Variants in CADM2 observed in about 807,000 individuals in gnomAD.
CADM2 encodes immunoglobulin superfamily member 4D.
Under a neutral mutation model 49.8 loss-of-function variants are expected in CADM2, and 12 were observed. The ratio of observed to expected loss-of-function variants is 0.24; its 90% CI spans 0.15 to 0.39. CADM2 has a LOEUF of 0.39. Among genes scored for constraint, CADM2 ranks in the 10% least tolerant of loss-of-function variants. The pLI, the probability that CADM2 is intolerant of heterozygous loss-of-function variation, is 1.00. For synonymous variants in CADM2, 214 were observed against 175.4 expected (o/e 1.22, Z -1.74); for missense variants, 378 against 492.3 (o/e 0.77, Z 2.20).
chr3:85,937,472 C>T (rs957559759), intron 7 of CADM2, among the ~76,000 whole-genome samples: 5 of 151,862 alleles, frequency 3.3e-5, no homozygotes, highest in Non-Finnish European at 5.9e-5. Context: ...CTAAATTTTC[C>T]TATTTATCCA....
intron 8 of CADM2, among the ~76,000 whole-genome samples, chr3:86,040,333 G>GA (rs1031947751): frequency 7.2e-5 from 11 of 151,780 alleles, no homozygotes; most frequent in African/African-American, 9.7e-5. Flanking sequence ...TAAAAACCTT[G>GA]AAAAAAAATT....
intron 1 of CADM2, among the ~76,000 whole-genome samples, chr3:84,984,968 T>G (rs1382416339): frequency 6.6e-6 from 1 of 152,180 alleles, no homozygotes. Context: ...TAGTGAACTT[T>G]AATAGGTAAT....
intron 2 of CADM2, among the ~76,000 whole-genome samples, chr3:85,764,662 TC>T (rs1488947279): frequency 6.6e-6 from 1 of 152,060 alleles, no homozygotes; most frequent in African/African-American, 2.4e-5. Context: ...AAGAGATGCA[TC>T]AGCATATCAA....
At chr3:85,421,697 T>C (rs2107499008) in intron 1 of CADM2, among the ~76,000 whole-genome samples, 1 of 152,346 alleles carries the variant, frequency 6.6e-6, no homozygotes, top group Admixed American at 6.5e-5. Context: ...GTGTTTTGCT[T>C]CATTTACCAT....
chr3:86,027,458 A>G (rs1304716666), intron 8 of CADM2, among the ~76,000 whole-genome samples: 1 of 152,186 alleles, frequency 6.6e-6, no homozygotes. Flanking sequence ...AAATCATTTT[A>G]GGACACACCT....
At chr3:85,700,702 A>G (rs2066727329) in intron 1 of CADM2, among the ~76,000 whole-genome samples, 2 of 152,108 alleles carry the variant, frequency 1.3e-5, no homozygotes, top group African/African-American at 4.8e-5. Context: ...ATGTATTGAA[A>G]CTGACATTTA....
chr3:85,493,194 C>T (rs1170733461), intron 1 of CADM2, among the ~76,000 whole-genome samples: 3 of 151,900 alleles, frequency 2.0e-5, no homozygotes, highest in African/African-American at 4.8e-5. Flanking sequence ...AATAAAGCAG[C>T]TTAGATTTAT....
chr3:85,324,472 A>G (rs1051615013), intron 1 of CADM2, among the ~76,000 whole-genome samples: 7 of 152,184 alleles, frequency 4.6e-5, no homozygotes, highest in East Asian at 3.8e-4. Context: ...AAAAAAGTAC[A>G]TCACCAAAAT....
At chr3:85,568,449 T>TTCTCTTTCTCTCTC (rs750571484) in intron 1 of CADM2, among the ~76,000 whole-genome samples, 23 of 27,770 alleles carry the variant, frequency 8.3e-4, no homozygotes, top group African/African-American at 2.1e-3. Flanking sequence ...CTTTCTTTCT[T>TTCTCTTTCTCTCTC]TCTTTCTTTC....
chr3:85,831,070 T>C (rs959913135), intron 3 of CADM2, among the ~76,000 whole-genome samples: 10 of 151,874 alleles, frequency 6.6e-5, no homozygotes, highest in Non-Finnish European at 1.5e-4. Context: ...AACTCTCACT[T>C]ATAAGAGAGA....
chr3:85,167,373 G>T (rs1372369046), intron 1 of CADM2, among the ~76,000 whole-genome samples: 1 of 151,798 alleles, frequency 6.6e-6, no homozygotes, highest in East Asian at 1.9e-4. Flanking sequence ...TTTTTAAAGA[G>T]AAATACATAA....
rs72340631 is a variant in CADM2 at position 85,568,399 on chromosome 3, C to CT, written c.62-158120dup. The stretch of plus-strand genomic sequence containing the variant: ...TACCTACAATCTTTCCTTCCTCCCT[C>CT]TTTCTTTCTTTCTTTCTTTCTTTCT... On this transcript the variant is annotated intron_variant, in intron 1 of 9. Coordinates refer to ENST00000383699, the MANE Select transcript of CADM2 (RefSeq NM_001167675.2). Among the ~76,000 whole-genome samples the CT allele has an allele frequency of 5.2e-3, 119 of 22,728 alleles. 4 individuals are homozygous for CT. Among genetic ancestry groups the CT allele is most frequent in the African/African-American group, 0.013 (112 of 8,424 alleles). The allele number at this position is 22,728 out of a possible 152,430, so 14.9% of individuals were successfully genotyped here.
Position 85,672,262 on chromosome 3 carries a change from T to G in CADM2, c.62-54260T>G, listed in dbSNP as rs1187613331. Among the ~76,000 whole-genome samples the G allele has an allele frequency of 2.7e-5, 4 of 149,966 alleles. No homozygotes were observed. In the East Asian group the frequency reaches 6.0e-4, roughly 22 times the overall value. On this transcript the variant is annotated intron_variant, in intron 1 of 9. Coordinates refer to ENST00000383699, the MANE Select transcript of CADM2 (RefSeq NM_001167675.2). ...GGCCAGAGTGCAGTGGCATGATCTCTGCTCACTGCAAGCTCCGCCTCCCGG... is the reference window on the plus strand; with the variant it reads ...GGCCAGAGTGCAGTGGCATGATCTCGGCTCACTGCAAGCTCCGCCTCCCGG...
At chr3:86,039,544 C>T (rs958628743) in intron 8 of CADM2, among the ~76,000 whole-genome samples, 21 of 152,114 alleles carry the variant, frequency 1.4e-4, no homozygotes, top group African/African-American at 3.4e-4. Flanking sequence ...GGAGGGGTGC[C>T]CACCATTGCC....
chr3:85,381,338 T>C (rs73845474), intron 1 of CADM2, among the ~76,000 whole-genome samples: 1,731 of 151,284 alleles, frequency 0.011, 37 homozygotes, highest in African/African-American at 0.039. Context: ...GTACTGAATC[T>C]GTGGAATTTT....
intron 1 of CADM2, among the ~76,000 whole-genome samples, chr3:85,197,429 A>G (rs2041370284): frequency 6.6e-6 from 1 of 151,952 alleles, no homozygotes; most frequent in African/African-American, 2.4e-5. Context: ...CACTCTGTCT[A>G]ATACTAAGGT....
At chr3:85,467,626 C>T (rs2038557391) in intron 1 of CADM2, among the ~76,000 whole-genome samples, 1 of 148,554 alleles carries the variant, frequency 6.7e-6, no homozygotes, top group Non-Finnish European at 1.5e-5. Flanking sequence ...AAAAAACACT[C>T]TGTTAACTTT....
intron 2 of CADM2, among the ~76,000 whole-genome samples, chr3:85,734,528 C>T (rs552068561): frequency 7.1e-6 from 1 of 141,440 alleles, no homozygotes; most frequent in Non-Finnish European, 1.6e-5. Flanking sequence ...TACACACATA[C>T]ACACACATAC....
At chr3:85,174,868 C>T (rs891346836) in intron 1 of CADM2, among the ~76,000 whole-genome samples, 5 of 152,100 alleles carry the variant, frequency 3.3e-5, no homozygotes, top group Admixed American at 2.0e-4. Context: ...TTTTAGTTTA[C>T]TGTGTGATTC....
Sources: gnomAD v4.1 joint callset for allele counts (sites outside exome capture counted in the v4.1 genomes callset) on GRCh38, gnomAD v4.1.1 for gene constraint, MANE v1.5 for transcripts, NCBI Gene and HGNC (gene_info 2026-07-23, HGNC 2026-07-21) for gene names.